UBA6: variants seen among roughly 807,000 people sequenced by gnomAD.
UBA6 encodes the protein ubiquitin like modifier activating enzyme 6, also known as ubiquitin-like modifier-activating enzyme 6.
UBA6 carries 87 observed loss-of-function variants against 148.3 expected under a neutral mutation model. The observed-to-expected ratio is 0.59, with a 90% CI of 0.49 to 0.70. UBA6 has a LOEUF of 0.70. Ranked by LOEUF, UBA6 falls within the 30% of genes least tolerant of loss-of-function variation. UBA6 has a pLI of 0.00. For synonymous variants in UBA6, 376 were observed against 401.0 expected (o/e 0.94, Z 0.75); for missense variants, 1,186 against 1,241.2 (o/e 0.96, Z 0.67).
chr4:67,677,522 C>T (rs17571825), intron 6 of UBA6, 89 bp downstream of exon 6: 134,242 of 591,334 alleles, frequency 0.23, 15,931 homozygotes, highest in Non-Finnish European at 0.25. Context: ...TTTCTCAATA[C>T]ACTAGGTTAA....
rs376903660 is a variant in UBA6, at chr4:67,625,762, A to C, written c.2519-575T>G. 1.1e-4 allele frequency among the ~76,000 whole-genome samples: 17 copies of C among 151,974 alleles called. 1 individual carries two copies. The highest frequency in any genetic ancestry group is 6.6e-4 in the Admixed American group (10 of 15,244). On this transcript the variant is annotated intron_variant, in intron 28 of 32. Coordinates refer to ENST00000322244, the MANE Select transcript of UBA6 (RefSeq NM_018227.6). Reference sequence around the variant, plus strand: ...AAAAGTTTGGAAACCACTGATTTATAAAACTAAAAGACGGTGAGCAGGTCA... The same window carrying C: ...AAAAGTTTGGAAACCACTGATTTATCAAACTAAAAGACGGTGAGCAGGTCA...
intron 2 of UBA6, among the ~76,000 whole-genome samples, chr4:67,688,734 G>C (rs183350358): frequency 6.6e-6 from 1 of 151,974 alleles, no homozygotes; most frequent in African/African-American, 2.4e-5. Context: ...ATATTTCCTA[G>C]TTAAATATAT....
In UBA6 at chr4:67,700,971, G is replaced by A. The variant is rs78578320; in HGVS notation, c.71+78C>T. ...GCGGCCTCTCGGGCGCCCCCAGCCC[G>A]CCGGAAAGAAAGAAGCAGAAACCCG... On this transcript the variant is annotated intron_variant, in intron 1 of 32. Coordinates refer to ENST00000322244, the MANE Select transcript of UBA6 (RefSeq NM_018227.6). 0.14 allele frequency: 216,672 copies of A among 1,573,998 alleles called. 15,923 individuals carry two copies. The highest frequency in any genetic ancestry group is 0.23 in the Middle Eastern group (1,370 of 5,874).
rs1382599110 is a variant in UBA6, at chr4:67,634,306, G to A, written c.1949C>T (p.Ser650Phe). ...WARDKFESSF[S>F]HKPSLFNKFW... is the part of the protein sequence containing the mutation. ...TTTGTTAAACAATGAAGGTTTGTGGGAAAAGGAACTTTCAAACTGTAACAG... is the reference window on the plus strand; with the variant it reads ...TTTGTTAAACAATGAAGGTTTGTGGAAAAAGGAACTTTCAAACTGTAACAG... The change falls in exon 22 of 33, where the codon TCC becomes TTC. Residue 650 changes from serine (S) to phenylalanine (F), a missense_variant. Ser to Phe is a radical substitution (Grantham distance 155). Coordinates refer to ENST00000322244, the MANE Select transcript of UBA6 (RefSeq NM_018227.6). 1.3e-6 allele frequency: 2 copies of A among 1,591,334 alleles called. No individual in the cohort carries two copies. Among genetic ancestry groups the A allele is most frequent in the Non-Finnish European group, 1.7e-6 (2 of 1,173,376 alleles).
chr4:67,675,792 G>T (rs1028244756), intron 6 of UBA6, among the ~76,000 whole-genome samples: 1 of 151,560 alleles, frequency 6.6e-6, no homozygotes, highest in African/African-American at 2.4e-5. Context: ...GAAAAGAAGA[G>T]AAAGAAAGAA....
Position 67,678,439 on chromosome 4 carries a change from C to A in UBA6, c.353G>T (p.Arg118Met). The change falls in exon 5 of 33, where the codon AGG (arginine) becomes ATG (methionine). Residue 118 changes from arginine to methionine, a missense_variant and splice_region_variant. Transcript: ENST00000322244. Reference sequence around the variant, plus strand: ...TGATAATACATCAAAATATCTTTACCTGTTTCTCTTATTAACAACATCATC... The same window carrying A: ...TGATAATACATCAAAATATCTTTACATGTTTCTCTTATTAACAACATCATC... Reference protein sequence around the residue: ...SEDDVVNKRNRAEAVLKHIAE... With the variant: ...SEDDVVNKRNMAEAVLKHIAE... The A allele has an allele frequency of 1.9e-6, 3 of 1,558,884 alleles. No individual in the cohort carries two copies. Among genetic ancestry groups the A allele is most frequent in the Non-Finnish European group, 1.7e-6 (2 of 1,147,780 alleles).
chr4:67,694,237 A>G lies in UBA6; in HGVS notation c.134+2408T>C, dbSNP rs866853480. On this transcript the variant is annotated intron_variant, in intron 2 of 32. Coordinates refer to ENST00000322244, the MANE Select transcript of UBA6 (RefSeq NM_018227.6). ...TCTCAAAAAAAAAAAAAAAAAAAAA[A>G]AAAAAAAGAAAAAATACAAAACTAC... Among the ~76,000 whole-genome samples the G allele has an allele frequency of 9.0e-4, 133 of 147,710 alleles. 2 individuals carry two copies. Among genetic ancestry groups the G allele is most frequent in the African/African-American group, 3.0e-3 (120 of 40,496 alleles).
At chr4:67,640,655 G>A (rs1425504305) in intron 18 of UBA6, among the ~76,000 whole-genome samples, 1 of 152,108 alleles carries the variant, frequency 6.6e-6, no homozygotes. Context: ...GACTTAAAAT[G>A]CTTTCTTGCC....
rs74802878 is a variant in UBA6 at position 67,663,236 on chromosome 4, C to T, written c.961-21G>A. 995 of 1,573,530 alleles carry T rather than the reference C, an allele frequency of 6.3e-4. No homozygotes were observed. The African/African-American group carries it at 9.0e-3, about 14-fold the overall frequency. On this transcript the variant is annotated intron_variant, in intron 11 of 32. Transcript: ENST00000322244. The stretch of plus-strand genomic sequence containing the variant: ...GGTGCCTATTGAGAACATTAAAAAT[C>T]GGCCAACATTTACTGAGTGGTTGTA...
intron 13 of UBA6, among the ~76,000 whole-genome samples, chr4:67,659,339 CAT>C (rs2109929608): frequency 6.6e-6 from 1 of 152,278 alleles, no homozygotes; most frequent in East Asian, 1.9e-4. Context: ...ATAATCACCA[CAT>C]GTCAAGGTGG....
chr4:67,674,053 A>G (rs1038428), intron 6 of UBA6, among the ~76,000 whole-genome samples: 34,931 of 152,156 alleles, frequency 0.23, 4,166 homozygotes, highest in Middle Eastern at 0.3. Flanking sequence ...TATCCTATGC[A>G]GTATTTATGG....
intron 26 of UBA6, among the ~76,000 whole-genome samples, chr4:67,630,161 ATAAC>A (rs1728963384): frequency 6.6e-6 from 1 of 152,170 alleles, no homozygotes; most frequent in Non-Finnish European, 1.5e-5. Context: ...GCTTTTTAGA[ATAAC>A]TAGGATAACT....
At chr4:67,680,917 C>T (rs1730419655) in intron 4 of UBA6, among the ~76,000 whole-genome samples, 1 of 152,164 alleles carries the variant, frequency 6.6e-6, no homozygotes, top group Non-Finnish European at 1.5e-5. Flanking sequence ...TTTAACAATA[C>T]ATGAAGAACT....
chr4:67,681,204 T>C (rs1291061037), intron 4 of UBA6, among the ~76,000 whole-genome samples: 1 of 152,244 alleles, frequency 6.6e-6, no homozygotes, highest in Non-Finnish European at 1.5e-5. Flanking sequence ...GTGAAAATTA[T>C]ATTGCTGCTT....
intron 1 of UBA6, among the ~76,000 whole-genome samples, chr4:67,698,020 C>T (rs1437595031): frequency 6.6e-6 from 1 of 152,204 alleles, no homozygotes; most frequent in Non-Finnish European, 1.5e-5. Context: ...TCTCCGTTTT[C>T]GCTTACTATC....
chr4:67,679,492 T>C (rs954393191), intron 4 of UBA6, among the ~76,000 whole-genome samples: 34 of 152,140 alleles, frequency 2.2e-4, no homozygotes, highest in African/African-American at 8.2e-4. Context: ...CAGAGATTTA[T>C]TTAAAGTGAC....
intron 1 of UBA6, among the ~76,000 whole-genome samples, 178 bp from the exon 2 acceptor site, chr4:67,696,885 C>A (rs900048345): frequency 2.0e-5 from 3 of 152,180 alleles, no homozygotes; most frequent in Admixed American, 6.5e-5. Flanking sequence ...ATTGCTTGTT[C>A]TATCCTGTGT....
At chr4:67,680,010 A>G (rs1466730887) in intron 4 of UBA6, among the ~76,000 whole-genome samples, 1 of 152,222 alleles carries the variant, frequency 6.6e-6, no homozygotes, top group Non-Finnish European at 1.5e-5. Flanking sequence ...CCATGAGTTT[A>G]TCATAATGTA....
chr4:67,678,014 T>C (rs1730326393), intron 5 of UBA6, among the ~76,000 whole-genome samples: 1 of 149,562 alleles, frequency 6.7e-6, no homozygotes, highest in South Asian at 2.1e-4. Context: ...CTAAAGTCCT[T>C]CTTTAATAAA....
Sources: gnomAD v4.1 joint callset for allele counts (sites outside exome capture counted in the v4.1 genomes callset) on GRCh38, gnomAD v4.1.1 for gene constraint, MANE v1.5 for transcripts, NCBI Gene and HGNC (gene_info 2026-07-23, HGNC 2026-07-21) for gene names.